Variants in FOXP2 observed in about 807,000 individuals in gnomAD.
FOXP2 encodes forkhead box P2, also known as forkhead box protein P2.
A neutral mutation model predicts 115.8 loss-of-function variants in FOXP2; 12 were observed. The observed-to-expected ratio is 0.10, with a 90% CI of 0.07 to 0.17. The LOEUF (loss-of-function observed/expected upper bound fraction) is 0.17, where lower values mean the gene tolerates loss of function less well. Among genes scored for constraint, FOXP2 ranks in the 10% least tolerant of loss-of-function variants. The probability of loss-of-function intolerance (pLI) is 1.00; values close to 1 mark genes in which losing one functional copy is unlikely to be tolerated. For synonymous variants in FOXP2, 328 were observed against 297.7 expected (o/e 1.10, Z -1.05); for missense variants, 629 against 843.5 (o/e 0.75, Z 3.15).
At chr7:114,143,154 A>G (rs1792269277) in intron 1 of FOXP2, among the ~76,000 whole-genome samples, 1 of 145,542 alleles carries the variant, frequency 6.9e-6, no homozygotes. Flanking sequence ...TCTCAATAAT[A>G]ATAATAATAA....
chr7:114,617,959 C>G (rs2061183), intron 3 of FOXP2, among the ~76,000 whole-genome samples: 111,780 of 152,132 alleles, frequency 0.73, 44,364 homozygotes, highest in Non-Finnish European at 0.88. Flanking sequence ...ATCCTGCTTT[C>G]ACCTAGAAAA....
intron 2 of FOXP2, among the ~76,000 whole-genome samples, chr7:114,291,545 T>C (rs1287872551): frequency 6.6e-6 from 1 of 152,046 alleles, no homozygotes; most frequent in Non-Finnish European, 1.5e-5. Flanking sequence ...TCACAATTTC[T>C]GTGGGTAAGG....
intron 1 of FOXP2, among the ~76,000 whole-genome samples, chr7:114,138,426 C>G (rs1450831): frequency 0.69 from 101,552 of 148,200 alleles, 39,548 homozygotes; most frequent in Non-Finnish European, 0.87. Flanking sequence ...GAGTCTCACA[C>G]TGTCGCCTGG....
intron 3 of FOXP2, among the ~76,000 whole-genome samples, chr7:114,588,895 T>A (rs1180101041): frequency 6.6e-6 from 1 of 152,210 alleles, no homozygotes; most frequent in Non-Finnish European, 1.5e-5. Context: ...CAACTATAGA[T>A]AGAATATGGT....
At chr7:114,276,395 C>G (rs945996906) in intron 1 of FOXP2, among the ~76,000 whole-genome samples, 1 of 152,088 alleles carries the variant, frequency 6.6e-6, no homozygotes, top group Non-Finnish European at 1.5e-5. Context: ...GAACTCCTGA[C>G]CTCAGGTGAT....
At chr7:114,573,386 A>G (rs538801756) in intron 3 of FOXP2, among the ~76,000 whole-genome samples, 1 of 151,930 alleles carries the variant, frequency 6.6e-6, no homozygotes, top group East Asian at 1.9e-4. Context: ...CTGTTTTAGT[A>G]TTCATTGCAT....
At chr7:114,677,244 A>G (rs530231465) in intron 16 of FOXP2, among the ~76,000 whole-genome samples, 1 of 152,238 alleles carries the variant, frequency 6.6e-6, no homozygotes, top group Non-Finnish European at 1.5e-5. Context: ...GAATTAATAA[A>G]CACTACATTT....
chr7:114,132,689 T>C (rs1414557882), intron 1 of FOXP2, among the ~76,000 whole-genome samples: 2 of 151,276 alleles, frequency 1.3e-5, no homozygotes, highest in African/African-American at 4.9e-5. Flanking sequence ...TGTGCAAAGA[T>C]CTAAAATCAG....
chr7:114,543,614 GA>G (rs1799786831), intron 3 of FOXP2, among the ~76,000 whole-genome samples: 1 of 152,178 alleles, frequency 6.6e-6, no homozygotes, highest in Non-Finnish European at 1.5e-5. Flanking sequence ...ATTAGTGATA[GA>G]AAAATCCATA....
intron 2 of FOXP2, among the ~76,000 whole-genome samples, chr7:114,357,765 T>A (rs1791650440): frequency 6.6e-6 from 1 of 152,190 alleles, no homozygotes; most frequent in Non-Finnish European, 1.5e-5. Flanking sequence ...TGATTTTTTT[T>A]TCAACATTTA....
At chr7:114,601,808 A>G (rs1166272936) in intron 3 of FOXP2, among the ~76,000 whole-genome samples, 1 of 152,142 alleles carries the variant, frequency 6.6e-6, no homozygotes, top group Non-Finnish European at 1.5e-5. Flanking sequence ...ATAGGGGTCA[A>G]AAAACATCAG....
chr7:114,512,083 G>T (rs569327930), intron 2 of FOXP2, among the ~76,000 whole-genome samples: 50 of 152,042 alleles, frequency 3.3e-4, no homozygotes, highest in Non-Finnish European at 5.6e-4. Context: ...TGTATAATTT[G>T]GATATTCTTT....
chr7:114,146,579 C>T (rs1399129093), intron 1 of FOXP2, among the ~76,000 whole-genome samples: 1 of 152,136 alleles, frequency 6.6e-6, no homozygotes, highest in Non-Finnish European at 1.5e-5. Context: ...TGTCATTCAT[C>T]AGAAGAATTT....
At chr7:114,387,678 A>G (rs1158812453) in intron 2 of FOXP2, among the ~76,000 whole-genome samples, 1 of 152,216 alleles carries the variant, frequency 6.6e-6, no homozygotes, top group African/African-American at 2.4e-5. Flanking sequence ...GAAAAAGGGT[A>G]TAAACATTGT....
intron 1 of FOXP2, among the ~76,000 whole-genome samples, chr7:114,253,229 G>T (rs1795503072): frequency 1.3e-5 from 2 of 152,246 alleles, no homozygotes; most frequent in South Asian, 4.1e-4. Context: ...GTCAATTTTG[G>T]AATGAGTGTG....
intron 1 of FOXP2, among the ~76,000 whole-genome samples, chr7:114,255,422 G>T (rs1243555365): frequency 6.6e-6 from 1 of 152,216 alleles, no homozygotes; most frequent in African/African-American, 2.4e-5. Context: ...GCCTCCTTCA[G>T]CTGCAGTGGG....
At chr7:114,460,468 A>G (rs1483665985) in intron 2 of FOXP2, among the ~76,000 whole-genome samples, 3 of 152,228 alleles carry the variant, frequency 2.0e-5, no homozygotes, top group African/African-American at 7.2e-5. Flanking sequence ...CAATGTAAAT[A>G]TGTTATCAGT....
At chr7:114,130,059 A>G (rs907136450) in intron 1 of FOXP2, among the ~76,000 whole-genome samples, 8 of 152,132 alleles carry the variant, frequency 5.3e-5, no homozygotes, top group African/African-American at 1.4e-4. Flanking sequence ...CATGCCTGTA[A>G]TCCCAGCACA....
At chr7:114,343,172 C>A in intron 2 of FOXP2, among the ~76,000 whole-genome samples, 1 of 151,490 alleles carries the variant, frequency 6.6e-6, no homozygotes, top group South Asian at 2.1e-4. Context: ...AATTACAGCA[C>A]ATTTTTTTTC....
Sources: gnomAD v4.1 joint callset for allele counts (sites outside exome capture counted in the v4.1 genomes callset) on GRCh38, gnomAD v4.1.1 for gene constraint, MANE v1.5 for transcripts, NCBI Gene and HGNC (gene_info 2026-07-23, HGNC 2026-07-21) for gene names.